ATG2B: variants seen among roughly 807,000 people sequenced by gnomAD.
ATG2B encodes autophagy-related protein 2 homolog B.
Under a neutral mutation model 241.3 loss-of-function variants are expected in ATG2B, and 121 were observed. The ratio of observed to expected loss-of-function variants is 0.50; its 90% CI spans 0.43 to 0.58. The LOEUF (loss-of-function observed/expected upper bound fraction) is 0.58, where lower values mean the gene tolerates loss of function less well. Ranked by LOEUF, ATG2B falls within the 20% of genes least tolerant of loss-of-function variation. The pLI is 0.00. For missense variants in ATG2B, 2,306 were observed against 2,491.6 expected (o/e 0.93, Z 1.59); for synonymous variants, 858 against 876.6 (o/e 0.98, Z 0.37).
intron 34 of ATG2B, among the ~76,000 whole-genome samples, 167 bp from the exon 35 acceptor site, chr14:96,295,727 C>CCACACACACACACACACACACACACACA (rs59902412): frequency 2.1e-5 from 3 of 145,866 alleles, no homozygotes; most frequent in South Asian, 2.2e-4. Context: ...CTTCCCCCCA[C>CCACACACACACACACACACACACACACA]CACACACACA....
At chr14:96,350,467 AG>A (rs1440350010) in intron 1 of ATG2B, among the ~76,000 whole-genome samples, 1 of 152,260 alleles carries the variant, frequency 6.6e-6, no homozygotes. Context: ...TACTGAAATC[AG>A]TAATATTTAA....
Position 96,315,225 on chromosome 14 carries a change from T to G in ATG2B, c.3571A>C (p.Ile1191Leu). ...GTGGCTCCTTTCAGTCCTACGGCAA[T>G]GAGAAATTCCTATACAGAACAAGAC... The part of the protein sequence containing the change: ...KSESNTKEFL[I>L]AVGLKGATLQ... The change falls in exon 23 of 42, where the codon ATT becomes CTT. Residue 1191 changes from isoleucine (I) to leucine (L), a missense_variant. Ile to Leu is a conservative substitution (Grantham distance 5). Coordinates refer to ENST00000359933, the MANE Select transcript of ATG2B (RefSeq NM_018036.7). 1 of 1,613,866 alleles carries G rather than the reference T, an allele frequency of 6.2e-7. No homozygotes were observed. Among genetic ancestry groups the G allele is most frequent in the Non-Finnish European group, 8.5e-7 (1 of 1,179,796 alleles).
chr14:96,312,429 A>G (rs1222196862), intron 25 of ATG2B, among the ~76,000 whole-genome samples: 4 of 152,196 alleles, frequency 2.6e-5, no homozygotes, highest in African/African-American at 9.7e-5. Flanking sequence ...CCAAATTCAC[A>G]AGGTTTAAAC....
chr14:96,308,257 C>CATAT (rs1229180497), intron 29 of ATG2B, among the ~76,000 whole-genome samples: 34 of 33,716 alleles, frequency 1.0e-3, no homozygotes, highest in African/African-American at 3.8e-3. Context: ...TATATACACA[C>CATAT]ATATATATAT....
At chr14:96,333,517 A>G (rs1489134490) in intron 8 of ATG2B, among the ~76,000 whole-genome samples, 171 bp downstream of exon 8, 1 of 152,214 alleles carries the variant, frequency 6.6e-6, no homozygotes, top group African/African-American at 2.4e-5. Context: ...CTGGTGCATT[A>G]CTGTAATGTT....
rs1287806616 is a variant in ATG2B, at chr14:96,280,790, G to A, written c.*4965C>T. On this transcript the variant is annotated 3_prime_UTR_variant, in exon 42 of 42. Coordinates refer to ENST00000359933, the MANE Select transcript of ATG2B (RefSeq NM_018036.7). ...CCAACTACTCAGGAGGCTGAGGCAA[G>A]AGAATCGCTTGAACCCAGGAGGTGG... The A allele has an allele frequency of 6.6e-6, 1 of 152,246 alleles. No individual in the cohort carries two copies. The highest frequency in any genetic ancestry group is 1.5e-5 in the Non-Finnish European group (1 of 68,066). 9.4% of individuals were successfully genotyped at this position (152,246 alleles called of 1,614,324 possible). A position where few individuals can be genotyped will look rare whatever the true frequency, so the allele number is the denominator to read the frequency against.
At chr14:96,309,424 G>A in intron 29 of ATG2B, 29 bp downstream of exon 29, 2 of 1,590,740 alleles carry the variant, frequency 1.3e-6, no homozygotes, top group Non-Finnish European at 1.7e-6. Flanking sequence ...ATTAACATCA[G>A]TGCTCCCTGA....
intron 14 of ATG2B, 136 bp downstream of exon 14, chr14:96,328,211 T>G: frequency 1.7e-6 from 1 of 589,314 alleles, no homozygotes; most frequent in Non-Finnish European, 2.7e-6. Context: ...GATGTCTCCT[T>G]TTTTTATTAT....
rs753677341 is a variant in ATG2B, at chr14:96,333,863, G to C, written c.1032C>G (p.Ser344Arg). Residue 344 changes from serine to arginine, a missense_variant, in exon 8 of 42, where the codon AGC (serine) becomes AGG (arginine). Around this residue, in one of 2 missense-constraint regions of ATG2B, gnomAD observed 1,927 missense variants for 2,011.2 expected, o/e 0.96. Coordinates refer to ENST00000359933, the MANE Select transcript of ATG2B (RefSeq NM_018036.7). ...LAAIAGPENS[S>R]KIGLANKDRK... ...TATCTTTATTAGCTAACCCTATTTT[G>C]CTAGAATTTTCTATAAGCATACAAA... 1 of 1,612,970 alleles carries C rather than the reference G, an allele frequency of 6.2e-7. No individual in the cohort carries two copies. Among genetic ancestry groups the C allele is most frequent in the Admixed American group, 1.7e-5 (1 of 59,922 alleles).
intron 24 of ATG2B, 54 bp downstream of exon 24, chr14:96,313,275 A>T: frequency 3.5e-6 from 5 of 1,439,996 alleles, no homozygotes; most frequent in Non-Finnish European, 3.8e-6. Flanking sequence ...TATTTTTTTC[A>T]AAATTTAGTA....
intron 34 of ATG2B, among the ~76,000 whole-genome samples, chr14:96,299,131 T>C (rs991470413): frequency 1.3e-5 from 2 of 152,190 alleles, no homozygotes; most frequent in Non-Finnish European, 2.9e-5. Context: ...TAGAGCCTGG[T>C]TGAGCACTTA....
At position 96,290,939 on chromosome 14, in the gene ATG2B, G is replaced by C; in HGVS notation, c.5580-4C>G. The C allele has an allele frequency of 6.2e-7, 1 of 1,606,148 alleles. No homozygotes were observed. Among genetic ancestry groups the C allele is most frequent in the Non-Finnish European group, 8.5e-7 (1 of 1,176,620 alleles). Reference sequence around the variant, plus strand: ...TAATTTGTCAACGCCTAGTAAACTAGAGCAAATGATTATTAGTATGTCAAA... The same window carrying C: ...TAATTTGTCAACGCCTAGTAAACTACAGCAAATGATTATTAGTATGTCAAA... On this transcript the variant is annotated splice_region_variant and splice_polypyrimidine_tract_variant and intron_variant, in intron 38 of 41. Transcript: ENST00000359933. This position sits in a 1 kb window ranked among gnomAD's most constrained non-coding sequence, Gnocchi z 4.4.
intron 4 of ATG2B, among the ~76,000 whole-genome samples, chr14:96,344,026 T>C (rs570547293): frequency 1.3e-5 from 2 of 152,242 alleles, no homozygotes; most frequent in Non-Finnish European, 2.9e-5. Flanking sequence ...TGGCAGTTCA[T>C]ACAGCATTAA....
At chr14:96,299,140 T>TA (rs1184983729) in intron 34 of ATG2B, among the ~76,000 whole-genome samples, 2 of 152,136 alleles carry the variant, frequency 1.3e-5, no homozygotes, top group Admixed American at 6.5e-5. Context: ...GTTGAGCACT[T>TA]ACTTATCTTC....
rs1360959831 is a variant in ATG2B, at chr14:96,313,356, T to A, written c.3722A>T (p.His1241Leu). The A allele has an allele frequency of 1.3e-6, 2 of 1,593,674 alleles. No individual in the cohort carries two copies. The change falls in exon 24 of 42, where the codon CAT becomes CTT. Residue 1241 changes from histidine to leucine, a missense_variant. Around this residue, in one of 2 missense-constraint regions of ATG2B, gnomAD observed 1,927 missense variants for 2,011.2 expected, o/e 0.96. Transcript: ENST00000359933. ...PPTSFTTFHV[H>L]LWSCALDYRP... ...ATAATCAAGTGCACAGCTCCAAAGA[T>A]GAACATGAAAAGTTGTAAATGAAGT... is the stretch of plus-strand genomic sequence containing the variant.
At chr14:96,307,599 G>A (rs538756696) in intron 29 of ATG2B, among the ~76,000 whole-genome samples, 1 of 151,976 alleles carries the variant, frequency 6.6e-6, no homozygotes, top group Non-Finnish European at 1.5e-5. Context: ...TCCTATAGGC[G>A]GAGCTCTGGA....
rs1014751056 is a variant in ATG2B, at chr14:96,291,631, G to C, written c.5548C>G (p.Leu1850Val). The part of the protein sequence containing the change: ...IGLAQLNCSE[L>V]KLKRLSYRHG... ...CGATAGGAAAGCCTCTTGAGCTTTA[G>C]TTCAGAGCAGTTTAACTGAGCCAGA... The change falls in exon 38 of 42, where the codon CTA becomes GTA. Residue 1850 changes from leucine to valine, a missense_variant. Around this residue, in one of 2 missense-constraint regions of ATG2B, gnomAD observed 379 missense variants for 480.4 expected, o/e 0.79. Coordinates refer to ENST00000359933, the MANE Select transcript of ATG2B (RefSeq NM_018036.7). 6.2e-7 allele frequency: 1 copy of C among 1,608,772 alleles called. No individual in the cohort carries two copies. The highest frequency in any genetic ancestry group is 1.7e-5 in the Admixed American group (1 of 59,914).
rs1886485001 is a variant in ATG2B, at chr14:96,291,601, C to A, written c.5578G>T (p.Gly1860Cys). The change falls in exon 38 of 42, where the codon GGT becomes TGT. Residue 1860 changes from glycine to cysteine, a missense_variant and splice_region_variant. Physicochemically the swap from Gly to Cys is radical, Grantham distance 159. Around this residue, in one of 2 missense-constraint regions of ATG2B, gnomAD observed 379 missense variants for 480.4 expected, o/e 0.79. Coordinates refer to ENST00000359933, the MANE Select transcript of ATG2B (RefSeq NM_018036.7). Reference protein sequence around the residue: ...LKLKRLSYRHGLLGVDKLFSY... With the variant: ...LKLKRLSYRHCLLGVDKLFSY... ...GCTTCATATAATAAATTCACTTACC[C>A]ATGTCGATAGGAAAGCCTCTTGAGC... The A allele has an allele frequency of 6.3e-7, 1 of 1,595,034 alleles. No individual in the cohort carries two copies. Among genetic ancestry groups the A allele is most frequent in the East Asian group, 2.2e-5 (1 of 44,652 alleles).
intron 29 of ATG2B, among the ~76,000 whole-genome samples, chr14:96,308,435 G>A (rs1887062491): frequency 6.9e-6 from 1 of 144,412 alleles, no homozygotes; most frequent in Non-Finnish European, 1.5e-5. Context: ...GACTATAGGC[G>A]CCTGCCAACA....
Sources: allele counts gnomAD v4.1 joint callset (sites outside exome capture counted in the v4.1 genomes callset), GRCh38; gene constraint gnomAD v4.1.1; regional missense constraint gnomAD v4.1.1; non-coding constraint Gnocchi (gnomAD v3.1); transcripts MANE v1.5; gene names NCBI Gene and HGNC (gene_info 2026-07-23, HGNC 2026-07-21).